DAW1: variants seen among roughly 807,000 people sequenced by gnomAD.
DAW1 encodes dynein assembly factor with WD repeat domains 1.
DAW1 carries 47 observed loss-of-function variants against 56.5 expected under a neutral mutation model. The observed-to-expected ratio is 0.83, with a 90% CI of 0.66 to 1.06. DAW1 has a LOEUF of 1.06. DAW1 is among the 50% of genes least tolerant of loss of function. DAW1 has a pLI of 0.00. For synonymous variants in DAW1, 190 were observed against 179.0 expected, an observed-to-expected ratio of 1.06 and a Z score of -0.49; for missense variants, 505 against 499.3, an observed-to-expected ratio of 1.01 and a Z score of -0.11.
At position 227,871,745 on chromosome 2, in the gene DAW1, G is replaced by T; in HGVS notation, c.40+16G>T. On this transcript the variant is annotated intron_variant, in intron 1 of 12. Coordinates refer to ENST00000309931, the MANE Select transcript of DAW1 (RefSeq NM_178821.3). ...TACCCGCCAGGTACGCACCAGCCCG[G>T]CCCCGTCATCCCCACGTGGGACCCT... 1 of 1,613,640 alleles carries T rather than the reference G, an allele frequency of 6.2e-7. No homozygotes were observed. The highest frequency in any genetic ancestry group is 8.5e-7 in the Non-Finnish European group (1 of 1,179,794).
At chr2:227,876,181 A>G (rs538556108) in intron 1 of DAW1, among the ~76,000 whole-genome samples, 3 of 152,118 alleles carry the variant, frequency 2.0e-5, no homozygotes, top group African/African-American at 4.8e-5. Context: ...ACGCCAGGCT[A>G]ATTAATTTTT....
intron 10 of DAW1, chr2:227,912,506 T>C (rs1331288653): frequency 7.7e-7 from 1 of 1,296,054 alleles, no homozygotes; most frequent in African/African-American, 1.5e-5. Context: ...TTCTTGATGA[T>C]CATATATAAT....
intron 1 of DAW1, among the ~76,000 whole-genome samples, chr2:227,875,549 T>G (rs143372272): frequency 1.7e-4 from 26 of 152,302 alleles, no homozygotes; most frequent in African/African-American, 6.0e-4. Flanking sequence ...GGGTCTGCAG[T>G]TGGTGTTCTT....
intron 10 of DAW1, among the ~76,000 whole-genome samples, chr2:227,908,380 C>A (rs1691736141): frequency 6.6e-6 from 1 of 152,196 alleles, no homozygotes; most frequent in Non-Finnish European, 1.5e-5. Flanking sequence ...TCCACGTCAT[C>A]TCGTTGAAGC....
At chr2:227,906,871 A>AT (rs994114940) in intron 9 of DAW1, among the ~76,000 whole-genome samples, 34 of 152,100 alleles carry the variant, frequency 2.2e-4, no homozygotes, top group Admixed American at 2.0e-3. Flanking sequence ...ACGTTGAGAT[A>AT]TTTTTTCTTT....
chr2:227,911,498 C>T (rs1295246953), intron 10 of DAW1, among the ~76,000 whole-genome samples: 1 of 151,160 alleles, frequency 6.6e-6, no homozygotes, highest in African/African-American at 2.4e-5. Context: ...GCTGCTTCTG[C>T]CTGACAACTG....
chr2:227,893,124 T>G (rs1423784169), intron 4 of DAW1, among the ~76,000 whole-genome samples: 1 of 150,692 alleles, frequency 6.6e-6, no homozygotes. Flanking sequence ...AAAAAAAAAT[T>G]AGACAGGCAT....
chr2:227,899,824 G>T (rs751913234), intron 6 of DAW1, among the ~76,000 whole-genome samples: 1 of 152,186 alleles, frequency 6.6e-6, no homozygotes, highest in African/African-American at 2.4e-5. Context: ...AAGATACCTA[G>T]AACAGACTGT....
In DAW1 at chr2:227,891,841, A is replaced by C. The variant is rs73092499; in HGVS notation, c.317+528A>C. Among the ~76,000 whole-genome samples, 873 of 152,328 alleles carry C rather than the reference A, an allele frequency of 5.7e-3. 9 individuals carry two copies. The highest frequency in any genetic ancestry group is 0.02 in the African/African-American group (840 of 41,576). ...TTCCATAATAAGGTAGCACAAACTG[A>C]GTGGCTTACACAACCAAAATGTATT... On this transcript the variant is annotated intron_variant, in intron 4 of 12. Coordinates refer to ENST00000309931, the MANE Select transcript of DAW1 (RefSeq NM_178821.3).
intron 4 of DAW1, 97 bp downstream of exon 4, chr2:227,891,410 T>G (rs1404864260): frequency 6.6e-6 from 7 of 1,055,044 alleles, no homozygotes; most frequent in Non-Finnish European, 8.6e-6. Context: ...AATATATTCA[T>G]TTTTCTGATT....
chr2:227,893,403 C>T (rs979227937), intron 4 of DAW1, among the ~76,000 whole-genome samples: 2 of 151,980 alleles, frequency 1.3e-5, no homozygotes, highest in East Asian at 3.9e-4. Context: ...TGGTGTGTCA[C>T]ACCTGTAACC....
intron 10 of DAW1, among the ~76,000 whole-genome samples, chr2:227,915,173 A>G (rs1278677411): frequency 6.6e-6 from 1 of 152,094 alleles, no homozygotes. Flanking sequence ...TAAATATATG[A>G]TGCTCTGCTT....
chr2:227,886,574 G>A (rs1289760557), intron 2 of DAW1, among the ~76,000 whole-genome samples: 1 of 152,062 alleles, frequency 6.6e-6, no homozygotes, highest in African/African-American at 2.4e-5. Context: ...CTGAGATCGC[G>A]GTGCTGTACT....
intron 10 of DAW1, among the ~76,000 whole-genome samples, chr2:227,911,016 C>T (rs1691801695): frequency 6.6e-6 from 1 of 151,830 alleles, no homozygotes. Context: ...TATAACACCG[C>T]CCTATATCTG....
At chr2:227,902,141 G>A (rs1691560566) in intron 6 of DAW1, among the ~76,000 whole-genome samples, 2 of 152,184 alleles carry the variant, frequency 1.3e-5, no homozygotes, top group Admixed American at 6.5e-5. Flanking sequence ...GAACAGTGCT[G>A]AGGACTCTAC....
At chr2:227,892,145 T>A (rs1021868242) in intron 4 of DAW1, among the ~76,000 whole-genome samples, 3 of 152,112 alleles carry the variant, frequency 2.0e-5, no homozygotes, top group Admixed American at 2.0e-4. Flanking sequence ...TAATTTTTTT[T>A]TTTTGAGATG....
At chr2:227,882,270 AATAAG>A (rs1691028745) in intron 1 of DAW1, among the ~76,000 whole-genome samples, 2 of 152,328 alleles carry the variant, frequency 1.3e-5, no homozygotes, top group South Asian at 4.1e-4. Flanking sequence ...TCATAATAAC[AATAAG>A]ATGTTACTTC....
chr2:227,898,315 G>GTATATATA (rs748082099), intron 6 of DAW1, 34 bp downstream of exon 6: 1 of 1,052,966 alleles, frequency 9.5e-7, no homozygotes, highest in African/African-American at 1.7e-5. Flanking sequence ...ATTATTTTAT[G>GTATATATA]TATATATATA....
At chr2:227,918,313 G>A (rs1692023150) in intron 10 of DAW1, among the ~76,000 whole-genome samples, 1 of 152,170 alleles carries the variant, frequency 6.6e-6, no homozygotes, top group Non-Finnish European at 1.5e-5. Context: ...AGCTTTTTCT[G>A]TAGAAAAGGG....
Sources: allele counts gnomAD v4.1 joint callset (sites outside exome capture counted in the v4.1 genomes callset), GRCh38; gene constraint gnomAD v4.1.1; transcripts MANE v1.5; gene names NCBI Gene and HGNC (gene_info 2026-07-23, HGNC 2026-07-21).